MYRF: variants seen among roughly 807,000 people sequenced by gnomAD.
MYRF encodes the protein myelin regulatory factor.
In MYRF, 16 loss-of-function variants were observed where a neutral mutation model predicts 126.3. The observed-to-expected ratio is 0.13, with a 90% CI of 0.09 to 0.19. The LOEUF is 0.19. Among genes scored for constraint, MYRF ranks in the 10% least tolerant of loss-of-function variants. The pLI, the probability that MYRF is intolerant of heterozygous loss-of-function variation, is 1.00. For synonymous variants in MYRF, 608 were observed against 635.3 expected, an observed-to-expected ratio of 0.96 and a Z score of 0.65; for missense variants, 1,104 against 1,547.0, an observed-to-expected ratio of 0.71 and a Z score of 4.80.
At chr11:61,771,392 G>C in intron 5 of MYRF, 108 bp from the exon 6 acceptor site, 2 of 1,459,312 alleles carry the variant, frequency 1.4e-6, no homozygotes, top group East Asian at 2.3e-5. Flanking sequence ...CTCTGGGCGG[G>C]GCACATCCTG....
At chr11:61,785,956 C>T (rs919427373) in intron 26 of MYRF, 82 bp downstream of exon 26, 2 of 1,563,632 alleles carry the variant, frequency 1.3e-6, no homozygotes, top group African/African-American at 1.4e-5. Context: ...GGGGTTTGCA[C>T]AGTATGTGGT....
At chr11:61,767,705 TCC>T (rs1316889521) in intron 3 of MYRF, among the ~76,000 whole-genome samples, 4 of 149,512 alleles carry the variant, frequency 2.7e-5, no homozygotes, top group African/African-American at 9.9e-5. Flanking sequence ...GTGCCTATAG[TCC>T]CAGCTACTCG....
chr11:61,774,668 C>T (rs2066327586), intron 8 of MYRF, among the ~76,000 whole-genome samples: 1 of 151,008 alleles, frequency 6.6e-6, no homozygotes, highest in South Asian at 2.1e-4. Flanking sequence ...CCTCGCCCTG[C>T]GCCTGCCTCC....
chr11:61,782,186 G>C (rs569294311), intron 22 of MYRF: 29 of 231,840 alleles, frequency 1.3e-4, no homozygotes, highest in Non-Finnish European at 1.8e-4. Flanking sequence ...GCTATACTGG[G>C]TCTCCCCTAC....
At chr11:61,763,321 T>C (rs2065953489) in intron 1 of MYRF, among the ~76,000 whole-genome samples, 1 of 152,146 alleles carries the variant, frequency 6.6e-6, no homozygotes, top group Admixed American at 6.5e-5. Flanking sequence ...ATCCCCACTG[T>C]TTAGAGAGGG....
intron 18 of MYRF, 107 bp from the exon 19 acceptor site, chr11:61,780,605 C>T: frequency 8.8e-7 from 1 of 1,137,682 alleles, no homozygotes; most frequent in Non-Finnish European, 1.3e-6. Context: ...GGGCCTTGGG[C>T]TCTGTGAGCC....
At chr11:61,755,303 C>A (rs575128498) in intron 1 of MYRF, 139 of 1,451,480 alleles carry the variant, frequency 9.6e-5, no homozygotes, top group Non-Finnish European at 1.2e-4. Flanking sequence ...CGGGACAGAG[C>A]GGCCCCCTCG....
At position 61,752,731 on chromosome 11, in the gene MYRF, C is replaced by G. The variant is rs930126320; in HGVS notation, c.-14C>G. 190 of 1,449,626 alleles carry G rather than the reference C, an allele frequency of 1.3e-4. No homozygotes were observed. The highest frequency in any genetic ancestry group is 1.6e-4 in the Non-Finnish European group (175 of 1,106,244). The allele number at this position is 1,449,626 out of a possible 1,614,324, so 89.8% of individuals were successfully genotyped here. Reference sequence around the variant, plus strand: ...GCGGGGCCGCGGCTGGAGTGTGCGCCGGGCAGGCGGGACATGGAGGTGGTG... The same window carrying G: ...GCGGGGCCGCGGCTGGAGTGTGCGCGGGGCAGGCGGGACATGGAGGTGGTG... On this transcript the variant is annotated 5_prime_UTR_variant, in exon 1 of 27. Transcript: ENST00000278836.
At position 61,786,404 on chromosome 11, in the gene MYRF, C is replaced by G; in HGVS notation, c.*261C>G. The stretch of plus-strand genomic sequence containing the variant: ...CACCCCCTAGGGGCCAGGACAGGAC[C>G]AGTTTACCTCTTTCCAGATATGGTG... On this transcript the variant is annotated 3_prime_UTR_variant, in exon 27 of 27. Transcript: ENST00000278836. This position sits in a 1 kb window ranked among gnomAD's most constrained non-coding sequence, Gnocchi z 4.5. 1 of 530,178 alleles carries G rather than the reference C, an allele frequency of 1.9e-6. No homozygotes were observed. The highest frequency in any genetic ancestry group is 3.4e-6 in the Non-Finnish European group (1 of 293,228). The allele number at this position is 530,178 out of a possible 1,614,324, so 32.8% of individuals were successfully genotyped here.
chr11:61,780,896 T>G, intron 19 of MYRF, 64 bp from the exon 20 acceptor site: 2 of 1,595,260 alleles, frequency 1.3e-6, no homozygotes, highest in Non-Finnish European at 1.7e-6. Context: ...TCTCCAGGAC[T>G]GTCAGGCCCT....
chr11:61,780,016 G>C (rs2066496322), intron 17 of MYRF, 86 bp downstream of exon 17: 1 of 1,333,404 alleles, frequency 7.5e-7, no homozygotes, highest in African/African-American at 1.5e-5. Context: ...CTCAGGCCTG[G>C]GGGAAGAGGA....
chr11:61,782,464 G>T (rs1182196137), intron 22 of MYRF: 1 of 152,416 alleles, frequency 6.6e-6, no homozygotes, highest in East Asian at 1.9e-4. Flanking sequence ...GGAACCCCAT[G>T]GGGGAGATGT....
chr11:61,769,309 C>G lies in MYRF; in HGVS notation c.448C>G (p.Gln150Glu), dbSNP rs1168443171. The change falls in exon 4 of 27, where the codon CAG (glutamine) becomes GAG (glutamate). Residue 150 changes from glutamine (Q) to glutamate (E), a missense_variant. Coordinates refer to ENST00000278836, the MANE Select transcript of MYRF (RefSeq NM_001127392.3). ...PDSGSEAYSPQQVNEPHLLRT... is the reference protein window; with the variant it reads ...PDSGSEAYSPEQVNEPHLLRT... The stretch of plus-strand genomic sequence containing the variant: ...CTCGGGCTCCGAGGCCTACTCCCCC[C>G]AGCAGGTGAATGGTGAGTCCAGCGG... The G allele has an allele frequency of 2.5e-6, 4 of 1,610,198 alleles. No homozygotes were observed. The highest frequency in any genetic ancestry group is 2.2e-5 in the South Asian group (2 of 89,966).
chr11:61,781,474 G>A (rs1044039566), intron 21 of MYRF, 99 bp from the exon 22 acceptor site: 1 of 1,545,160 alleles, frequency 6.5e-7, no homozygotes, highest in Admixed American at 1.9e-5. Flanking sequence ...AGGACCAAGA[G>A]ACACATGGGG....
chr11:61,771,731 G>T lies in MYRF; in HGVS notation c.972G>T (p.Pro324=). The change falls in exon 6 of 27, where the codon CCG becomes CCT. Residue 324 remains proline (P), a synonymous_variant. Transcript: ENST00000278836. The part of the protein sequence containing the change: ...IARVQTPPWH[P]PGAPSPGLLQ... ...GTGTCCAGACACCGCCTTGGCACCC[G>T]CCAGGTGCCCCCTCCCCAGGTACAT... 4 of 1,611,936 alleles carry T rather than the reference G, an allele frequency of 2.5e-6. No individual in the cohort carries two copies. The highest frequency in any genetic ancestry group is 2.2e-5 in the East Asian group (1 of 44,784).
chr11:61,774,247 G>A (rs1793430730), intron 8 of MYRF, 85 bp downstream of exon 8: 1 of 1,288,202 alleles, frequency 7.8e-7, no homozygotes, highest in Non-Finnish European at 1.0e-6. Context: ...AGCGTTGGCT[G>A]GATGCTGTGG....
rs1449536907 is a variant in MYRF at position 61,781,807 on chromosome 11, G to T, written c.2999G>T (p.Trp1000Leu). The T allele has an allele frequency of 6.4e-7, 1 of 1,567,892 alleles. No individual in the cohort carries two copies. Among genetic ancestry groups the T allele is most frequent in the East Asian group, 2.2e-5 (1 of 44,480 alleles). Residue 1000 changes from tryptophan (W) to leucine (L), a missense_variant, in exon 22 of 27, where the codon TGG becomes TTG. Physicochemically the swap from Trp to Leu is moderately conservative, Grantham distance 61. Transcript: ENST00000278836. ...AGCGTGGGCCCTGCTGAGCCCACCT[G>T]GGCCCAGGGCCAGTCAGGTACTTGC... ...QSSVGPAEPT[W>L]AQGQSASLLA...
chr11:61,777,467 G>A lies in MYRF; in HGVS notation c.1791+3G>A, dbSNP rs2066415233. Reference sequence around the variant, plus strand: ...GCGCCAAGGAACACGTGCAGGAGGTGGGGACAGGGCTGTGGGGGCCGGGCG... The same window carrying A: ...GCGCCAAGGAACACGTGCAGGAGGTAGGGACAGGGCTGTGGGGGCCGGGCG... On this transcript the variant is annotated splice_donor_region_variant and intron_variant, in intron 12 of 26. Coordinates refer to ENST00000278836, the MANE Select transcript of MYRF (RefSeq NM_001127392.3). This position sits in a 1 kb window ranked among gnomAD's most constrained non-coding sequence, Gnocchi z 8.8. The A allele has an allele frequency of 6.2e-7, 1 of 1,604,132 alleles. No individual in the cohort carries two copies. Among genetic ancestry groups the A allele is most frequent in the Non-Finnish European group, 8.5e-7 (1 of 1,175,692 alleles).
chr11:61,780,226 G>T lies in MYRF; in HGVS notation c.2341G>T (p.Val781Leu). 1 of 1,614,092 alleles carries T rather than the reference G, an allele frequency of 6.2e-7. No individual in the cohort carries two copies. The highest frequency in any genetic ancestry group is 8.5e-7 in the Non-Finnish European group (1 of 1,179,988). Residue 781 changes from valine to leucine, a missense_variant, in exon 18 of 27, where the codon GTG becomes TTG. Around this residue, in one of 10 missense-constraint regions of MYRF, gnomAD observed 323 missense variants for 383.1 expected, o/e 0.84. Transcript: ENST00000278836. ...ALVVVMAFSV[V>L]SMSTLYVLSL... ...CACCCTTTTCTGTGGCTCCAGCGTG[G>T]TGTCCATGTCCACACTGTACGTGCT...
Sources: gnomAD v4.1 joint callset for allele counts (sites outside exome capture counted in the v4.1 genomes callset) on GRCh38, gnomAD v4.1.1 for gene constraint, gnomAD v4.1.1 regional missense constraint, Gnocchi (gnomAD v3.1) non-coding constraint, MANE v1.5 for transcripts, NCBI Gene and HGNC (gene_info 2026-07-23, HGNC 2026-07-21) for gene names.